The following ST3GAL3 variants were observed in gnomAD, a reference collection of about 807,000 sequenced individuals.
ST3GAL3 encodes ST3 beta-galactoside alpha-2,3-sialyltransferase 3, also known as CMP-N-acetylneuraminate-beta-1,4-galactoside alpha-2,3-sialyltransferase.
ST3GAL3 carries 21 observed loss-of-function variants against 50.1 expected under a neutral mutation model. The observed-to-expected ratio is 0.42, with a 90% CI of 0.30 to 0.60. ST3GAL3 has a LOEUF of 0.60. ST3GAL3 is among the 20% of genes least tolerant of loss of function. The pLI, the probability that ST3GAL3 is intolerant of heterozygous loss-of-function variation, is 0.19. For synonymous variants in ST3GAL3, 183 were observed against 190.0 expected (o/e 0.96, Z 0.30); for missense variants, 353 against 489.4 (o/e 0.72, Z 2.63).
At position 43,719,290 on chromosome 1, in the gene ST3GAL3, G is replaced by A. The variant is rs114069060; in HGVS notation, c.-31+11597G>A. The stretch of plus-strand genomic sequence containing the variant: ...AGGGTTAACATCATCAGCCTTCAGG[G>A]GAGTGTAGATCAAAACTACCATGAG... On this transcript the variant is annotated intron_variant, in intron 1 of 11. Coordinates refer to ENST00000347631, the MANE Select transcript of ST3GAL3 (RefSeq NM_006279.5). Among the ~76,000 whole-genome samples the A allele has an allele frequency of 4.6e-3, 696 of 152,306 alleles. 6 individuals are homozygous for A. Among genetic ancestry groups the A allele is most frequent in the African/African-American group, 0.016 (656 of 41,544 alleles).
chr1:43,728,921 T>C (rs1164674485), intron 1 of ST3GAL3, among the ~76,000 whole-genome samples: 1 of 152,056 alleles, frequency 6.6e-6, no homozygotes. Flanking sequence ...ACAGAGTCTC[T>C]CTTTGTCGCC....
intron 1 of ST3GAL3, among the ~76,000 whole-genome samples, chr1:43,728,787 A>G (rs573852465): frequency 1.3e-5 from 2 of 152,298 alleles, no homozygotes; most frequent in South Asian, 2.1e-4. Flanking sequence ...TACACACACT[A>G]TCCTCACTAT....
chr1:43,840,480 A>G (rs1574028277), intron 5 of ST3GAL3: 2 of 152,166 alleles, frequency 1.3e-5, no homozygotes, highest in Admixed American at 1.3e-4. Flanking sequence ...TCATTCTAGC[A>G]TTAACTCAAA....
chr1:43,913,655 C>T (rs192390026), intron 9 of ST3GAL3: 1 of 151,976 alleles, frequency 6.6e-6, no homozygotes, highest in Non-Finnish European at 1.5e-5. Context: ...TTTCTCCTTT[C>T]CCTGAAATCT....
At chr1:43,763,235 T>C (rs1340932303) in intron 2 of ST3GAL3, among the ~76,000 whole-genome samples, 1 of 152,222 alleles carries the variant, frequency 6.6e-6, no homozygotes, top group Admixed American at 6.5e-5. Flanking sequence ...CTGTATACAC[T>C]AATATGAAAA....
chr1:43,920,973 G>A (rs2154295354), intron 11 of ST3GAL3, 45 bp downstream of exon 11: 1 of 1,560,526 alleles, frequency 6.4e-7, no homozygotes, highest in Non-Finnish European at 8.7e-7. Context: ...GGGATGAGGG[G>A]GAGGTGCATA....
In ST3GAL3 at chr1:43,930,162, G is replaced by C; in HGVS notation, c.1069G>C (p.Glu357Gln). Residue 357 changes from glutamate (E) to glutamine (Q), a missense_variant, in exon 12 of 12, where the codon GAG becomes CAG. Glu to Gln is a conservative substitution (Grantham distance 29, BLOSUM62 2). Coordinates refer to ENST00000347631, the MANE Select transcript of ST3GAL3 (RefSeq NM_006279.5). Reference sequence around the variant, plus strand: ...GACGCACAATATCCAGCGAGAGAAAGAGTTTCTGCGGAAGCTGGTGAAAGC... The same window carrying C: ...GACGCACAATATCCAGCGAGAGAAACAGTTTCTGCGGAAGCTGGTGAAAGC... ...SWTHNIQREK[E>Q]FLRKLVKARV... 1 of 1,614,190 alleles carries C rather than the reference G, an allele frequency of 6.2e-7. No individual in the cohort carries two copies. Among genetic ancestry groups the C allele is most frequent in the Non-Finnish European group, 8.5e-7 (1 of 1,180,040 alleles).
intron 2 of ST3GAL3, 84 bp downstream of exon 2, chr1:43,736,464 CT>C: frequency 6.2e-7 from 1 of 1,612,676 alleles, no homozygotes; most frequent in Non-Finnish European, 8.5e-7. Context: ...GTCTCATATT[CT>C]TCAGAGATGG....
chr1:43,899,534 T>C lies in ST3GAL3; in HGVS notation c.558-7T>C. The C allele has an allele frequency of 6.2e-7, 1 of 1,612,054 alleles. No individual in the cohort carries two copies. The highest frequency in any genetic ancestry group is 8.5e-7 in the Non-Finnish European group (1 of 1,180,012). On this transcript the variant is annotated splice_region_variant and splice_polypyrimidine_tract_variant and intron_variant, in intron 8 of 11. Coordinates refer to ENST00000347631, the MANE Select transcript of ST3GAL3 (RefSeq NM_006279.5). The surrounding 1 kb of genome is among the most constrained non-coding windows in gnomAD (Gnocchi z 5.4). Reference sequence around the variant, plus strand: ...GCCCAGGCTCTGAGTGGGCCTGCTCTCTGTAGACTGAATTCAGCACCAGTG... The same window carrying C: ...GCCCAGGCTCTGAGTGGGCCTGCTCCCTGTAGACTGAATTCAGCACCAGTG...
At chr1:43,903,612 G>A (rs2078662475) in intron 9 of ST3GAL3, among the ~76,000 whole-genome samples, 2 of 152,158 alleles carry the variant, frequency 1.3e-5, no homozygotes, top group African/African-American at 4.8e-5. Context: ...GTGGGTCCCT[G>A]GACAGCCTTG....
chr1:43,887,236 C>A (rs959035592), intron 5 of ST3GAL3, among the ~76,000 whole-genome samples: 1 of 152,144 alleles, frequency 6.6e-6, no homozygotes, highest in African/African-American at 2.4e-5. Context: ...TGTGTGTGTT[C>A]TCGCAGCCCC....
At chr1:43,929,638 G>A (rs900531568) in intron 11 of ST3GAL3, among the ~76,000 whole-genome samples, 1 of 152,154 alleles carries the variant, frequency 6.6e-6, no homozygotes, top group African/African-American at 2.4e-5. Context: ...CCATCTCTCC[G>A]CAGGCCCCAT....
At chr1:43,710,015 CT>C (rs1165479029) in intron 1 of ST3GAL3, among the ~76,000 whole-genome samples, 3 of 152,042 alleles carry the variant, frequency 2.0e-5, no homozygotes, top group East Asian at 1.9e-4. Context: ...TACTTTTCTT[CT>C]TTTTTTCTCC....
chr1:43,821,082 C>A (rs12041341), intron 4 of ST3GAL3, among the ~76,000 whole-genome samples: 1 of 152,042 alleles, frequency 6.6e-6, no homozygotes, highest in Non-Finnish European at 1.5e-5. Context: ...TATGTGTTTT[C>A]TAGTTGGAAT....
chr1:43,729,656 A>C (rs1365135388), intron 1 of ST3GAL3, among the ~76,000 whole-genome samples: 1 of 152,136 alleles, frequency 6.6e-6, no homozygotes, highest in Non-Finnish European at 1.5e-5. Context: ...ATTATTTAGA[A>C]AGGAAGGGAT....
chr1:43,838,885 T>G (rs2064883924), intron 5 of ST3GAL3: 1 of 162,188 alleles, frequency 6.2e-6, no homozygotes, highest in Non-Finnish European at 1.4e-5. Flanking sequence ...ACCTTCTCCT[T>G]TTTGGTTTTC....
chr1:43,747,646 T>A (rs1234976778), intron 2 of ST3GAL3, among the ~76,000 whole-genome samples: 2 of 143,058 alleles, frequency 1.4e-5, no homozygotes, highest in Non-Finnish European at 3.0e-5. Flanking sequence ...AATGGCACCA[T>A]CTTGGCTCAC....
chr1:43,743,756 G>T, intron 2 of ST3GAL3: 1 of 217,818 alleles, frequency 4.6e-6, no homozygotes, highest in Admixed American at 5.7e-5. Flanking sequence ...CATTCTTACA[G>T]AGCAACAATA....
chr1:43,876,730 G>T (rs542072796), intron 5 of ST3GAL3, among the ~76,000 whole-genome samples: 2 of 152,334 alleles, frequency 1.3e-5, no homozygotes, highest in African/African-American at 4.8e-5. Flanking sequence ...ATGGCCATGG[G>T]GTGCTCATTG....
Sources: gnomAD v4.1 joint callset for allele counts (sites outside exome capture counted in the v4.1 genomes callset) on GRCh38, gnomAD v4.1.1 for gene constraint, Gnocchi (gnomAD v3.1) non-coding constraint, MANE v1.5 for transcripts, NCBI Gene and HGNC (gene_info 2026-07-23, HGNC 2026-07-21) for gene names.